LOC128092253: variants seen among roughly 807,000 people sequenced by gnomAD.
the LOC128092253 span, among the ~76,000 whole-genome samples, chr6:133,976,536 G>T: frequency 6.6e-6 from 1 of 152,012 alleles, no homozygotes; most frequent in African/African-American, 2.4e-5. Context: ...TGTTTTTCTT[G>T]TTTTAATTTA....
chr6:133,954,700 A>G, the LOC128092253 span, among the ~76,000 whole-genome samples: 1 of 152,246 alleles, frequency 6.6e-6, no homozygotes, highest in Admixed American at 6.5e-5. Flanking sequence ...AGGAGCAATT[A>G]GGTCAACCAC....
At chr6:133,971,195 T>C in the LOC128092253 span, among the ~76,000 whole-genome samples, 1 of 152,134 alleles carries the variant, frequency 6.6e-6, no homozygotes, top group South Asian at 2.1e-4. Context: ...ATGAGGAATT[T>C]GTCTTTCTGT....
the LOC128092253 span, among the ~76,000 whole-genome samples, chr6:133,964,848 T>C: frequency 9.8e-5 from 15 of 152,358 alleles, no homozygotes; most frequent in Middle Eastern, 3.4e-3. Flanking sequence ...AGGTTGTCTA[T>C]GCTAGAGCAT....
At chr6:133,960,046 A>C in the LOC128092253 span, among the ~76,000 whole-genome samples, 1 of 152,274 alleles carries the variant, frequency 6.6e-6, no homozygotes, top group African/African-American at 2.4e-5. Context: ...CCTCTCACCT[A>C]CTTATGGCTG....
the LOC128092253 span, among the ~76,000 whole-genome samples, chr6:133,975,254 T>C: frequency 6.6e-6 from 1 of 152,162 alleles, no homozygotes; most frequent in Non-Finnish European, 1.5e-5. Flanking sequence ...ACAGAGACTT[T>C]AAAAGATTAT....
the LOC128092253 span, among the ~76,000 whole-genome samples, chr6:133,978,166 T>C: frequency 6.6e-6 from 1 of 152,176 alleles, no homozygotes; most frequent in Non-Finnish European, 1.5e-5. Flanking sequence ...GCAGAAAACC[T>C]GCTGCTGTCC....
chr6:133,960,436 T>A, the LOC128092253 span, among the ~76,000 whole-genome samples: 208 of 150,784 alleles, frequency 1.4e-3, 1 homozygote, highest in East Asian at 0.022. Flanking sequence ...TTTTTTTTTT[T>A]AATTTTAAGA....
the LOC128092253 span, among the ~76,000 whole-genome samples, chr6:133,970,258 T>G: frequency 3.3e-5 from 5 of 152,232 alleles, no homozygotes; most frequent in African/African-American, 1.2e-4. Context: ...GCTCACTGTT[T>G]TTATATCTCA....
At chr6:133,965,658 C>T in the LOC128092253 span, among the ~76,000 whole-genome samples, 1 of 151,456 alleles carries the variant, frequency 6.6e-6, no homozygotes, top group African/African-American at 2.4e-5. Flanking sequence ...TTTCAGTACT[C>T]ATTTCACTTA....
chr6:133,957,026 T>C, the LOC128092253 span, among the ~76,000 whole-genome samples: 21,815 of 152,226 alleles, frequency 0.14, 2,017 homozygotes, highest in African/African-American at 0.27. Context: ...AGCAAGATTC[T>C]GGAAGTATGT....
the LOC128092253 span, among the ~76,000 whole-genome samples, chr6:133,958,231 G>A: frequency 6.6e-6 from 1 of 152,152 alleles, no homozygotes; most frequent in Non-Finnish European, 1.5e-5. Flanking sequence ...TGAATAAAAG[G>A]AATAAACCCC....
the LOC128092253 span, among the ~76,000 whole-genome samples, chr6:133,975,112 T>C: frequency 0.014 from 2,145 of 152,046 alleles, 36 homozygotes; most frequent in Non-Finnish European, 0.015. Flanking sequence ...GGGCAAAAAA[T>C]TCACTAGAGA....
chr6:133,972,412 C>A, the LOC128092253 span, among the ~76,000 whole-genome samples: 1 of 152,132 alleles, frequency 6.6e-6, no homozygotes, highest in Admixed American at 6.6e-5. Flanking sequence ...AAAATAAGGG[C>A]CTTACATTTA....
At chr6:133,963,057 G>T in the LOC128092253 span, among the ~76,000 whole-genome samples, 32 of 152,230 alleles carry the variant, frequency 2.1e-4, no homozygotes, top group Non-Finnish European at 4.7e-4. Context: ...ATTGAATTCA[G>T]CAATGAGCCA....
At chr6:133,956,360 G>A in the LOC128092253 span, among the ~76,000 whole-genome samples, 1 of 152,316 alleles carries the variant, frequency 6.6e-6, no homozygotes, top group South Asian at 2.1e-4. Flanking sequence ...TGCAAAGCTG[G>A]ATGAGAGAGG....
At chr6:133,979,371 G>A in the LOC128092253 span, among the ~76,000 whole-genome samples, 5 of 152,122 alleles carry the variant, frequency 3.3e-5, no homozygotes. Flanking sequence ...GTACCAGCAA[G>A]TTGCATGAGA....
the LOC128092253 span, among the ~76,000 whole-genome samples, chr6:133,972,355 G>A: frequency 6.6e-6 from 1 of 152,084 alleles, no homozygotes; most frequent in Non-Finnish European, 1.5e-5. Flanking sequence ...TTAAAACCGG[G>A]ATCTAATCAA....
chr6:133,973,224 T>A, the LOC128092253 span, among the ~76,000 whole-genome samples: 2 of 152,196 alleles, frequency 1.3e-5, no homozygotes, highest in African/African-American at 2.4e-5. Context: ...AAAAGAGCTA[T>A]CTCTAGGAGA....
chr6:133,976,030 A>G, the LOC128092253 span, among the ~76,000 whole-genome samples: 1 of 152,204 alleles, frequency 6.6e-6, no homozygotes, highest in Non-Finnish European at 1.5e-5. Flanking sequence ...CTTGGAATCT[A>G]TACAACCAGT....
Sources: gnomAD v4.1 joint callset for allele counts (sites outside exome capture counted in the v4.1 genomes callset) on GRCh38, gnomAD v4.1.1 for gene constraint, MANE v1.5 for transcripts.